Variants in DPYD observed in about 807,000 individuals in gnomAD.
DPYD encodes the protein dihydropyrimidine dehydrogenase [NADP(+)].
A neutral mutation model predicts 116.2 loss-of-function variants in DPYD; 109 were observed. The ratio of observed to expected loss-of-function variants is 0.94; its 90% CI spans 0.80 to 1.10. The LOEUF is 1.10. Ranked by LOEUF, DPYD falls within the 50% of genes least tolerant of loss-of-function variation. The pLI, the probability that DPYD is intolerant of heterozygous loss-of-function variation, is 0.00. For missense variants in DPYD, 1,302 were observed against 1,254.5 expected (o/e 1.04, Z -0.57); for synonymous variants, 440 against 432.0 (o/e 1.02, Z -0.23).
intron 8 of DPYD, among the ~76,000 whole-genome samples, chr1:97,662,322 G>T (rs1659313795): frequency 6.6e-6 from 1 of 151,764 alleles, no homozygotes; most frequent in Non-Finnish European, 1.5e-5. Context: ...TCTTTAGCAG[G>T]CTCAATAGTA....
intron 8 of DPYD, among the ~76,000 whole-genome samples, chr1:97,644,853 C>T (rs1300919617): frequency 6.6e-6 from 1 of 151,872 alleles, no homozygotes; most frequent in African/African-American, 2.4e-5. Flanking sequence ...AAATATACAC[C>T]ATGAAAAGTG....
At chr1:97,703,548 A>G (rs1661726866) in intron 5 of DPYD, among the ~76,000 whole-genome samples, 1 of 152,004 alleles carries the variant, frequency 6.6e-6, no homozygotes, top group South Asian at 2.1e-4. Context: ...GAATGTATCT[A>G]AACTCATAGT....
intron 14 of DPYD, among the ~76,000 whole-genome samples, chr1:97,440,538 T>C (rs1216036209): frequency 6.6e-6 from 1 of 152,156 alleles, no homozygotes; most frequent in African/African-American, 2.4e-5. Flanking sequence ...AGAGTATCTT[T>C]AAGGTACTCT....
At chr1:97,407,468 C>G (rs79213791) in intron 14 of DPYD, among the ~76,000 whole-genome samples, 3,876 of 152,204 alleles carry the variant, frequency 0.025, 72 homozygotes, top group Non-Finnish European at 0.04. Context: ...TCTTAGGCAA[C>G]GGATGGCAAA....
At chr1:97,885,166 A>T (rs1672417925) in intron 1 of DPYD, among the ~76,000 whole-genome samples, 2 of 152,000 alleles carry the variant, frequency 1.3e-5, no homozygotes, top group African/African-American at 4.8e-5. Context: ...GATTTAACCA[A>T]ATCCAAGATC....
chr1:97,142,553 C>A (rs962565670), intron 20 of DPYD, among the ~76,000 whole-genome samples: 22 of 152,250 alleles, frequency 1.4e-4, no homozygotes, highest in African/African-American at 4.3e-4. Context: ...GAAAGCATAT[C>A]TCCGTCAGAT....
intron 1 of DPYD, among the ~76,000 whole-genome samples, chr1:97,911,012 C>G (rs1257143446): frequency 5.3e-5 from 8 of 151,678 alleles, no homozygotes; most frequent in Non-Finnish European, 1.0e-4. Context: ...TTAAAATTTA[C>G]CAATATTCAA....
chr1:97,416,722 A>C (rs760102965), intron 14 of DPYD, among the ~76,000 whole-genome samples: 21 of 152,182 alleles, frequency 1.4e-4, no homozygotes, highest in Non-Finnish European at 2.6e-4. Flanking sequence ...TGCAAACACA[A>C]CACAATTTTA....
intron 20 of DPYD, among the ~76,000 whole-genome samples, chr1:97,157,515 A>G (rs1281204093): frequency 6.6e-6 from 1 of 152,140 alleles, no homozygotes; most frequent in Non-Finnish European, 1.5e-5. Flanking sequence ...AGTTATCCCT[A>G]TATGGAGTTT....
At chr1:97,548,388 C>A (rs949267732) in intron 12 of DPYD, among the ~76,000 whole-genome samples, 2 of 152,164 alleles carry the variant, frequency 1.3e-5, no homozygotes, top group African/African-American at 4.8e-5. Flanking sequence ...AGCTTCACAT[C>A]TCATCATTTC....
chr1:97,309,422 A>C (rs2101051503), intron 16 of DPYD, among the ~76,000 whole-genome samples: 1 of 151,676 alleles, frequency 6.6e-6, no homozygotes, highest in Non-Finnish European at 1.5e-5. Flanking sequence ...CACCAAAGAA[A>C]GCTCTGAAGC....
chr1:97,477,910 G>A (rs1678078483), intron 13 of DPYD, among the ~76,000 whole-genome samples: 1 of 152,144 alleles, frequency 6.6e-6, no homozygotes, highest in Non-Finnish European at 1.5e-5. Flanking sequence ...TGTTCTTAAT[G>A]AAACCTAGAA....
chr1:97,195,634 G>GTATGTGTGTGTA (rs1557929548), intron 19 of DPYD, among the ~76,000 whole-genome samples: 1 of 57,730 alleles, frequency 1.7e-5, no homozygotes, highest in African/African-American at 6.3e-5. Flanking sequence ...ATATGTATGT[G>GTATGTGTGTGTA]TATATATATA....
At chr1:97,253,777 A>G (rs779764691) in intron 18 of DPYD, among the ~76,000 whole-genome samples, 14 of 152,120 alleles carry the variant, frequency 9.2e-5, no homozygotes, top group Non-Finnish European at 1.3e-4. Flanking sequence ...TAAAATCATT[A>G]AAAAATAAAC....
chr1:97,762,694 T>C (rs1192579985), intron 3 of DPYD, among the ~76,000 whole-genome samples: 1 of 152,140 alleles, frequency 6.6e-6, no homozygotes, highest in Non-Finnish European at 1.5e-5. Flanking sequence ...AGAACTTCAG[T>C]ATTTCTTGAC....
chr1:97,820,136 G>T (rs765139157), intron 3 of DPYD, among the ~76,000 whole-genome samples: 3 of 152,006 alleles, frequency 2.0e-5, no homozygotes, highest in Non-Finnish European at 4.4e-5. Context: ...ATTATATTTA[G>T]CAACAGATGC....
rs1328948201 is a variant in DPYD at position 97,399,264 on chromosome 1, T to C, written c.1906-16803A>G. Among the ~76,000 whole-genome samples the C allele has an allele frequency of 1.4e-4, 22 of 152,174 alleles. 1 individual carries two copies. The highest frequency in any genetic ancestry group is 6.6e-5 in the Admixed American group (1 of 15,264). On this transcript the variant is annotated intron_variant, in intron 14 of 22. Transcript: ENST00000370192. ...CAAAGATCAGATAGTTGTAGATGTG[T>C]GGCATTATTTCTGAGGGCTCTGTTC...
intron 8 of DPYD, among the ~76,000 whole-genome samples, chr1:97,597,838 C>A (rs1654986464): frequency 6.6e-6 from 1 of 152,164 alleles, no homozygotes; most frequent in Non-Finnish European, 1.5e-5. Flanking sequence ...TCTCTATCTA[C>A]CCATCTGTCC....
At chr1:97,574,774 T>C (rs1449231765) in intron 10 of DPYD, among the ~76,000 whole-genome samples, 1 of 152,178 alleles carries the variant, frequency 6.6e-6, no homozygotes, top group East Asian at 1.9e-4. Flanking sequence ...CTATGTTGAA[T>C]GTTCTTTTTT....
Sources: allele counts gnomAD v4.1 joint callset (sites outside exome capture counted in the v4.1 genomes callset), GRCh38; gene constraint gnomAD v4.1.1; transcripts MANE v1.5; gene names NCBI Gene and HGNC (gene_info 2026-07-23, HGNC 2026-07-21).